Variants in DAB2IP observed in about 807,000 individuals in gnomAD.
DAB2IP encodes the protein DAB2 interacting protein, also known as disabled homolog 2-interacting protein.
Under a neutral mutation model 107.2 loss-of-function variants are expected in DAB2IP, and 28 were observed. The observed-to-expected ratio is 0.26, with a 90% CI of 0.19 to 0.36. DAB2IP has a LOEUF of 0.36. DAB2IP is among the 10% of genes least tolerant of loss of function. The pLI, the probability that DAB2IP is intolerant of heterozygous loss-of-function variation, is 1.00. For missense variants in DAB2IP, 1,400 were observed against 1,644.7 expected (o/e 0.85, Z 2.57); for synonymous variants, 755 against 706.4 (o/e 1.07, Z -1.09).
At position 121,635,118 on chromosome 9, in the gene DAB2IP, G is replaced by T. The variant is rs1832041595; in HGVS notation, c.41-43560G>T. Among the ~76,000 whole-genome samples, 1 of 152,204 alleles carries T rather than the reference G, an allele frequency of 6.6e-6. No individual in the cohort carries two copies. The highest frequency in any genetic ancestry group is 6.5e-5 in the Admixed American group (1 of 15,272). On this transcript the variant is annotated intron_variant, in intron 1 of 16. Coordinates refer to the DAB2IP transcript ENST00000259371. This position sits in a 1 kb window ranked among gnomAD's most constrained non-coding sequence, Gnocchi z 4.3. Reference sequence around the variant, plus strand: ...CAGAGGGTGGCTATGGAGTGGAGGGGGCTGGAGAGGCCAGGCCTCCGTGTG... The same window carrying T: ...CAGAGGGTGGCTATGGAGTGGAGGGTGCTGGAGAGGCCAGGCCTCCGTGTG...
intron 3 of DAB2IP, among the ~76,000 whole-genome samples, chr9:121,738,446 A>G (rs1832087773): frequency 6.6e-6 from 1 of 152,170 alleles, no homozygotes; most frequent in Non-Finnish European, 1.5e-5. Flanking sequence ...TTCCTGCTAG[A>G]GCAAAGAACA....
At chr9:121,682,030 G>C (rs575531638) in intron 2 of DAB2IP, among the ~76,000 whole-genome samples, 2 of 152,330 alleles carry the variant, frequency 1.3e-5, no homozygotes, top group South Asian at 4.1e-4. Context: ...GATCTAGGAG[G>C]GTTGGAGTAC....
intron 1 of DAB2IP, among the ~76,000 whole-genome samples, chr9:121,596,342 A>C (rs1461450057): frequency 6.6e-6 from 1 of 152,052 alleles, no homozygotes; most frequent in Non-Finnish European, 1.5e-5. Context: ...AAAAAAATAA[A>C]AAACAAACAA....
In DAB2IP at chr9:121,599,136, C is replaced by G. The variant is rs1317717148; in HGVS notation, c.40+31908C>G. 1.3e-5 allele frequency among the ~76,000 whole-genome samples: 2 copies of G among 152,156 alleles called. No individual in the cohort carries two copies. Among genetic ancestry groups the G allele is most frequent in the Non-Finnish European group, 2.9e-5 (2 of 68,014 alleles). On this transcript the variant is annotated intron_variant, in intron 1 of 16. Coordinates refer to the DAB2IP transcript ENST00000259371. This position sits in a 1 kb window ranked among gnomAD's most constrained non-coding sequence, Gnocchi z 6.9. ...AGGGGTCAGCGGATGCGGGAAGATTCTAGCGGGAAGGGGAGCTGTAGGGTG... is the reference window on the plus strand; with the variant it reads ...AGGGGTCAGCGGATGCGGGAAGATTGTAGCGGGAAGGGGAGCTGTAGGGTG...
At chr9:121,580,652 T>C (rs1012950492) in intron 1 of DAB2IP, among the ~76,000 whole-genome samples, 3 of 149,792 alleles carry the variant, frequency 2.0e-5, no homozygotes, top group Admixed American at 6.7e-5. Flanking sequence ...TGAGATGGAG[T>C]CTCGCTCTGT....
chr9:121,625,382 G>A (rs1023761721), intron 1 of DAB2IP, among the ~76,000 whole-genome samples: 2 of 151,890 alleles, frequency 1.3e-5, no homozygotes, highest in African/African-American at 2.4e-5. Context: ...GAGACTACAG[G>A]TGCGCACCAT....
chr9:121,757,985 C>T (rs562758858), intron 4 of DAB2IP, among the ~76,000 whole-genome samples: 2 of 152,330 alleles, frequency 1.3e-5, no homozygotes, highest in East Asian at 3.9e-4. Flanking sequence ...GGCACCTGCC[C>T]CATACCCTGT....
chr9:121,782,989 C>T lies in DAB2IP; in HGVS notation c.*491C>T. The T allele has an allele frequency of 9.8e-7, 1 of 1,020,368 alleles. No individual in the cohort carries two copies. Among genetic ancestry groups the T allele is most frequent in the Non-Finnish European group, 1.2e-6 (1 of 850,772 alleles). The allele number at this position is 1,020,368 out of a possible 1,614,324, so 63.2% of individuals were successfully genotyped here. A position where few individuals can be genotyped will look rare whatever the true frequency, so the allele number is the denominator to read the frequency against. On this transcript the variant is annotated 3_prime_UTR_variant, in exon 16 of 16. Transcript: ENST00000408936. The surrounding 1 kb of genome is among the most constrained non-coding windows in gnomAD (Gnocchi z 6.1). Reference sequence around the variant, plus strand: ...CTGTCATGTGGGACCTGGCACTTGGCAGATCAGTTGGCAGGCAGGAAGATA... The same window carrying T: ...CTGTCATGTGGGACCTGGCACTTGGTAGATCAGTTGGCAGGCAGGAAGATA...
rs1044985882 is a variant in DAB2IP at position 121,633,177 on chromosome 9, C to T, written c.41-45501C>T. ...TAAACTCCTGAAAAATTCATGAGCA[C>T]GCTGGGAATAGAGACCTCATCGGGA... is the stretch of plus-strand genomic sequence containing the variant. On this transcript the variant is annotated intron_variant, in intron 1 of 16. Transcript: ENST00000259371. This position sits in a 1 kb window ranked among gnomAD's most constrained non-coding sequence, Gnocchi z 5.1. Among the ~76,000 whole-genome samples, 6 of 152,174 alleles carry T rather than the reference C, an allele frequency of 3.9e-5. No individual in the cohort carries two copies. The highest frequency in any genetic ancestry group is 7.3e-5 in the Non-Finnish European group (5 of 68,030).
At chr9:121,567,228 G>C (rs1328209385) in exon 1 of DAB2IP, 1 of 1,613,872 alleles carries the variant, frequency 6.2e-7, no homozygotes, top group African/African-American at 1.3e-5. Flanking sequence ...CGACTCCTAC[G>C]GTAAGACGGT....
rs939501136 is a variant in DAB2IP at position 121,699,757 on chromosome 9, G to A, written c.362+299G>A. ...CAGGGAAGTCCTGCCTCGCCTGTCC[G>A]AGGTGGGCATTGTTTCCCGGGCCGT... On this transcript the variant is annotated intron_variant, in intron 3 of 15. Transcript: ENST00000408936. The surrounding 1 kb of genome is among the most constrained non-coding windows in gnomAD (Gnocchi z 6.2). Among the ~76,000 whole-genome samples, 132 of 152,304 alleles carry A rather than the reference G, an allele frequency of 8.7e-4. No homozygotes were observed. The highest frequency in any genetic ancestry group is 3.1e-3 in the African/African-American group (131 of 41,592).
intron 14 of DAB2IP, 32 bp from the exon 15 acceptor site, chr9:121,781,432 G>A: frequency 6.2e-7 from 1 of 1,611,148 alleles, no homozygotes; most frequent in Non-Finnish European, 8.5e-7. Context: ...TGCCTCCAGG[G>A]CCAGTCTGAC....
intron 3 of DAB2IP, among the ~76,000 whole-genome samples, chr9:121,732,963 G>A (rs1158387832): frequency 2.0e-5 from 3 of 152,238 alleles, no homozygotes; most frequent in Non-Finnish European, 2.9e-5. Flanking sequence ...AAGTATAGAT[G>A]TACTCACATA....
At chr9:121,645,886 A>AT (rs1832519698) in intron 1 of DAB2IP, among the ~76,000 whole-genome samples, 1 of 151,792 alleles carries the variant, frequency 6.6e-6, no homozygotes, top group Non-Finnish European at 1.5e-5. Flanking sequence ...GAATGGGGAG[A>AT]TTTTTAGATC....
chr9:121,759,849 C>A (rs371466426), intron 5 of DAB2IP, 36 bp from the exon 6 acceptor site: 1 of 1,572,830 alleles, frequency 6.4e-7, no homozygotes, highest in Admixed American at 1.8e-5. Flanking sequence ...ACGTGGCACC[C>A]CCAGCTGACC....
In DAB2IP at chr9:121,599,799, G is replaced by C. The variant is rs1436386091; in HGVS notation, c.40+32571G>C. ...CTGGGGGCCGCGGCTCAGGTGGAGG[G>C]GGGCTCGGTGGTTTGCCGGGATCCG... On this transcript the variant is annotated intron_variant, in intron 1 of 16. Coordinates refer to the DAB2IP transcript ENST00000259371. This position sits in a 1 kb window ranked among gnomAD's most constrained non-coding sequence, Gnocchi z 6.9. Among the ~76,000 whole-genome samples, 4 of 152,142 alleles carry C rather than the reference G, an allele frequency of 2.6e-5. No homozygotes were observed. The highest frequency in any genetic ancestry group is 5.9e-5 in the Non-Finnish European group (4 of 68,002).
intron 1 of DAB2IP, among the ~76,000 whole-genome samples, chr9:121,579,763 T>C (rs576321413): frequency 6.6e-6 from 1 of 152,336 alleles, no homozygotes; most frequent in South Asian, 2.1e-4. Flanking sequence ...CACTTTCTGC[T>C]GCATATTTGT....
chr9:121,739,669 C>T (rs760912614), intron 3 of DAB2IP, among the ~76,000 whole-genome samples: 1 of 152,174 alleles, frequency 6.6e-6, no homozygotes, highest in Non-Finnish European at 1.5e-5. Context: ...AGGCTCCACG[C>T]TGGACATTTC....
At chr9:121,583,666 T>TCCCAGGTGGGCATTTAG (rs1830253018) in intron 1 of DAB2IP, among the ~76,000 whole-genome samples, 1 of 150,552 alleles carries the variant, frequency 6.6e-6, no homozygotes, top group African/African-American at 2.4e-5. Context: ...GGGTGGGGGG[T>TCCCAGGTGGGCATTTAG]CCCAGGTGGG....
Sources: gnomAD v4.1 joint callset for allele counts (sites outside exome capture counted in the v4.1 genomes callset) on GRCh38, gnomAD v4.1.1 for gene constraint, Gnocchi (gnomAD v3.1) non-coding constraint, MANE v1.5 for transcripts, NCBI Gene and HGNC (gene_info 2026-07-23, HGNC 2026-07-21) for gene names.